The following CD96 variants were observed in gnomAD, a reference collection of about 807,000 sequenced individuals.
CD96 encodes the protein CD96 molecule.
CD96 carries 70 observed loss-of-function variants against 71.3 expected under a neutral mutation model. That is an observed-to-expected ratio of 0.98 (90% CI 0.81 to 1.20). The LOEUF (loss-of-function observed/expected upper bound fraction) is 1.20, where lower values mean the gene tolerates loss of function less well. Among genes scored for constraint, CD96 ranks in the 50% most tolerant of loss-of-function variants. The pLI is 0.00. For missense variants in CD96, 742 were observed against 677.5 expected (o/e 1.10, Z -1.06); for synonymous variants, 248 against 233.0 (o/e 1.06, Z -0.59).
intron 4 of CD96, among the ~76,000 whole-genome samples, chr3:111,583,776 C>CA (rs1409554569): frequency 2.6e-5 from 4 of 152,214 alleles, no homozygotes; most frequent in African/African-American, 9.7e-5. Context: ...CCCGAGGCTG[C>CA]ACACAGCAAG....
intron 1 of CD96, among the ~76,000 whole-genome samples, chr3:111,543,352 T>C (rs1934206403): frequency 6.6e-6 from 1 of 152,190 alleles, no homozygotes; most frequent in Non-Finnish European, 1.5e-5. Flanking sequence ...ATTTTAAGTG[T>C]CCTGTATCAC....
At chr3:111,591,168 A>T (rs1183369205) in intron 5 of CD96, among the ~76,000 whole-genome samples, 1 of 152,016 alleles carries the variant, frequency 6.6e-6, no homozygotes, top group African/African-American at 2.4e-5. Flanking sequence ...AGGTCAAGAG[A>T]TCCAGACCAT....
intron 8 of CD96, among the ~76,000 whole-genome samples, chr3:111,615,975 T>A (rs1450581045): frequency 1.3e-5 from 2 of 152,138 alleles, no homozygotes; most frequent in Non-Finnish European, 2.9e-5. Flanking sequence ...TCTACATGGA[T>A]CACACCCTCA....
intron 8 of CD96, 68 bp downstream of exon 8, chr3:111,606,860 A>C: frequency 1.0e-6 from 1 of 957,332 alleles, no homozygotes; most frequent in Non-Finnish European, 1.7e-6. Context: ...ATTTCAGCAA[A>C]CTTGCATCAT....
intron 2 of CD96, among the ~76,000 whole-genome samples, chr3:111,560,941 C>T (rs1201255495): frequency 2.3e-4 from 30 of 131,868 alleles, no homozygotes; most frequent in South Asian, 9.7e-4. Context: ...CTTCCCTTCT[C>T]GCTTCATTTC....
At chr3:111,644,623 A>G (rs1307307721) in intron 12 of CD96, among the ~76,000 whole-genome samples, 1 of 152,206 alleles carries the variant, frequency 6.6e-6, no homozygotes, top group Non-Finnish European at 1.5e-5. Flanking sequence ...TACTTCTGAC[A>G]AAGAACTACT....
At position 111,542,298 on chromosome 3, in the gene CD96, A is replaced by AT. The variant is rs200703204; in HGVS notation, c.54dup (p.Val19CysfsTer22). ...GCTGTCTATTACATCATCCAGATAC[A>AT]TTTTGTCAAGGGTAAGACTTCCAGT... On this transcript the variant is annotated frameshift_variant, in exon 1 of 14. Coordinates refer to ENST00000352690, the MANE Select transcript of CD96 (RefSeq NM_005816.5). LOFTEE classifies it high-confidence loss of function. 379 of 1,613,716 alleles carry AT rather than the reference A, an allele frequency of 2.3e-4. 3 individuals are homozygous for AT. The East Asian group carries it at 5.4e-3, about 23-fold the overall frequency.
intron 8 of CD96, among the ~76,000 whole-genome samples, chr3:111,615,321 G>T (rs1938174859): frequency 6.6e-6 from 1 of 152,224 alleles, no homozygotes; most frequent in Admixed American, 6.5e-5. Context: ...TTGGCCAAAG[G>T]TGAGGATGCT....
At chr3:111,589,248 C>T (rs1936862277) in intron 5 of CD96, among the ~76,000 whole-genome samples, 1 of 152,156 alleles carries the variant, frequency 6.6e-6, no homozygotes, top group Admixed American at 6.5e-5. Flanking sequence ...CCATGCCCGG[C>T]CTGTTTTTGT....
chr3:111,629,067 G>T (rs1460944140), intron 10 of CD96, among the ~76,000 whole-genome samples: 1 of 152,142 alleles, frequency 6.6e-6, no homozygotes, highest in Admixed American at 6.6e-5. Context: ...AAACGCTGAA[G>T]TATACAGGCC....
intron 10 of CD96, among the ~76,000 whole-genome samples, chr3:111,625,843 C>G (rs1039011603): frequency 1.3e-5 from 2 of 151,970 alleles, no homozygotes; most frequent in African/African-American, 4.8e-5. Context: ...AACATATTTG[C>G]CACACATATA....
intron 10 of CD96, among the ~76,000 whole-genome samples, chr3:111,636,215 A>G (rs374225525): frequency 1.1e-4 from 17 of 152,196 alleles, no homozygotes; most frequent in African/African-American, 3.6e-4. Flanking sequence ...GCCCTAAAGA[A>G]TGGACTCTTA....
intron 12 of CD96, among the ~76,000 whole-genome samples, chr3:111,640,662 G>A (rs1329517032): frequency 2.6e-5 from 4 of 152,204 alleles, no homozygotes; most frequent in Non-Finnish European, 5.9e-5. Context: ...ATTGCAAAAA[G>A]ATCTTTGCCG....
rs115257146 is a variant in CD96 at position 111,615,070 on chromosome 3, G to A, written c.1180+8278G>A. Among the ~76,000 whole-genome samples, 1,274 of 152,324 alleles carry A rather than the reference G, an allele frequency of 8.4e-3. 23 individuals are homozygous for A. The highest frequency in any genetic ancestry group is 0.029 in the African/African-American group (1,206 of 41,574). The stretch of plus-strand genomic sequence containing the variant: ...GGTGGGCTAGAACCCTGCTTTCAAC[G>A]TGAGGTGGCTTGTGCCCTGTATTAT... On this transcript the variant is annotated intron_variant, in intron 8 of 13. Transcript: ENST00000352690.
rs1459414912 is a variant in CD96 at position 111,626,315 on chromosome 3, A to AG, written c.1321+1911_1321+1912insG. Among the ~76,000 whole-genome samples, 35 of 151,474 alleles carry AG rather than the reference A, an allele frequency of 2.3e-4. No individual in the cohort carries two copies. In the East Asian group the frequency reaches 6.0e-3, roughly 26 times the overall value. On this transcript the variant is annotated intron_variant, in intron 10 of 13. Transcript: ENST00000352690. ...GAGTAAGACTCCGTCTCAAAAAAAA[A>AG]AAAAAAAAAAAAAGAAATGCTCAGT...
At chr3:111,563,251 C>T (rs1294615587) in intron 2 of CD96, among the ~76,000 whole-genome samples, 1 of 152,216 alleles carries the variant, frequency 6.6e-6, no homozygotes, top group East Asian at 1.9e-4. Flanking sequence ...AGCAGCCACT[C>T]ACTCCAGATG....
chr3:111,593,786 C>T, intron 5 of CD96: 1 of 1,614,254 alleles, frequency 6.2e-7, no homozygotes, highest in Non-Finnish European at 8.5e-7. Context: ...GAGCCTACCC[C>T]AGTTACCCTC....
chr3:111,643,681 A>C (rs967315045), intron 12 of CD96, among the ~76,000 whole-genome samples: 5 of 151,358 alleles, frequency 3.3e-5, no homozygotes, highest in Non-Finnish European at 7.4e-5. Context: ...CTATACACCA[A>C]CAGCAACCAA....
chr3:111,560,333 G>A (rs1935321081), intron 2 of CD96, among the ~76,000 whole-genome samples: 1 of 151,996 alleles, frequency 6.6e-6, no homozygotes, highest in Admixed American at 6.5e-5. Flanking sequence ...GCATGATTTT[G>A]CAGCAGCTGG....
Sources: allele counts gnomAD v4.1 joint callset (sites outside exome capture counted in the v4.1 genomes callset), GRCh38; gene constraint gnomAD v4.1.1; transcripts MANE v1.5; gene names NCBI Gene and HGNC (gene_info 2026-07-23, HGNC 2026-07-21).